The following STAT5B variants were observed in gnomAD, a reference collection of about 807,000 sequenced individuals.
STAT5B encodes transcription factor STAT5B.
STAT5B carries 21 observed loss-of-function variants against 107.8 expected under a neutral mutation model. That is an observed-to-expected ratio of 0.19 (90% CI 0.14 to 0.28). The LOEUF (loss-of-function observed/expected upper bound fraction) is 0.28. Ranked by LOEUF, STAT5B falls within the 10% of genes least tolerant of loss-of-function variation. The pLI, the probability that STAT5B is intolerant of heterozygous loss-of-function variation, is 1.00. For missense variants in STAT5B, 565 were observed against 1,008.2 expected (o/e 0.56, Z 5.95); for synonymous variants, 325 against 401.7 (o/e 0.81, Z 2.28).
At chr17:42,214,290 T>C (rs1022646679) in intron 12 of STAT5B, 2 of 985,202 alleles carry the variant, frequency 2.0e-6, no homozygotes, top group Admixed American at 6.2e-5. Context: ...GTGAGATCTG[T>C]GGACAGGCAG....
intron 15 of STAT5B, among the ~76,000 whole-genome samples, chr17:42,208,619 C>T (rs2080104422): frequency 6.6e-6 from 1 of 152,176 alleles, no homozygotes; most frequent in Non-Finnish European, 1.5e-5. Flanking sequence ...TTCTAGCCCT[C>T]AGTAGAAGAA....
intron 1 of STAT5B, among the ~76,000 whole-genome samples, chr17:42,239,892 G>A (rs1046670536): frequency 1.3e-5 from 2 of 152,222 alleles, no homozygotes; most frequent in African/African-American, 2.4e-5. Context: ...TTGGGACGCT[G>A]AGGCGGGTGG....
At chr17:42,269,451 C>T (rs2144425458) in intron 1 of STAT5B, 1 of 152,190 alleles carries the variant, frequency 6.6e-6, no homozygotes, top group East Asian at 1.9e-4. Flanking sequence ...GCTGGAAAAC[C>T]CCAGTGAAGG....
At chr17:42,238,673 G>GC (rs1202199762) in intron 1 of STAT5B, among the ~76,000 whole-genome samples, 2 of 151,226 alleles carry the variant, frequency 1.3e-5, no homozygotes, top group Non-Finnish European at 2.9e-5. Context: ...GGCTGGTCTT[G>GC]AACTTCTGAC....
intron 16 of STAT5B, 36 bp downstream of exon 16, chr17:42,207,519 ACAC>A: frequency 2.5e-6 from 4 of 1,592,334 alleles, no homozygotes; most frequent in South Asian, 1.1e-5. Context: ...ACACACACAC[ACAC>A]ACAACAAAAT....
At chr17:42,286,980 T>G in the STAT5B span, among the ~76,000 whole-genome samples, 1 of 152,100 alleles carries the variant, frequency 6.6e-6, no homozygotes, top group Admixed American at 6.5e-5. Context: ...CCCTGCCAAA[T>G]CCATTGCTCA....
At chr17:42,276,536 C>G (rs539529269), upstream of STAT5B, 443 of 151,482 alleles carry the variant, frequency 2.9e-3, 3 homozygotes, top group African/African-American at 0.01. This position sits in a 1 kb window ranked among gnomAD's most constrained non-coding sequence, Gnocchi z 4.8. Context: ...CCCTCGCGCC[C>G]CCTCCGCGAC....
At position 42,224,951 on chromosome 17, in the gene STAT5B, G is replaced by A. The variant is rs118179279; in HGVS notation, c.286-83C>T. ...CATGCCTCAGGATGGGGAGCCTCCT[G>A]AGGGACCTCCTGAATCACAGGAGGC... On this transcript the variant is annotated intron_variant, in intron 3 of 18. Transcript: ENST00000293328. The A allele has an allele frequency of 7.2e-3, 10,019 of 1,399,198 alleles. 47 individuals are homozygous for A. The highest frequency in any genetic ancestry group is 8.8e-3 in the Non-Finnish European group (8,800 of 995,622). 86.7% of individuals were successfully genotyped at this position (1,399,198 alleles called of 1,614,324 possible).
At chr17:42,287,840 T>C in the STAT5B span, 1 of 152,312 alleles carries the variant, frequency 6.6e-6, no homozygotes, top group East Asian at 1.9e-4. Flanking sequence ...CAAGATTCTT[T>C]CCAGTTCCTC....
chr17:42,218,958 C>T, intron 7 of STAT5B, 80 bp from the exon 8 acceptor site: 1 of 1,610,698 alleles, frequency 6.2e-7, no homozygotes, highest in Non-Finnish European at 8.5e-7. Flanking sequence ...AGCTCCCGTT[C>T]CCCCAGGAAG....
chr17:42,225,047 T>C (rs2080261722), intron 3 of STAT5B, among the ~76,000 whole-genome samples, 179 bp from the exon 4 acceptor site: 1 of 151,960 alleles, frequency 6.6e-6, no homozygotes, highest in Non-Finnish European at 1.5e-5. Flanking sequence ...AAAGGTAAGA[T>C]TGTTTTACTT....
chr17:42,228,735 C>T (rs901893569), intron 2 of STAT5B, among the ~76,000 whole-genome samples: 2 of 152,156 alleles, frequency 1.3e-5, no homozygotes, highest in African/African-American at 4.8e-5. Flanking sequence ...AGTTGGAGAT[C>T]AGCCTGGGCA....
chr17:42,218,759 G>A lies in STAT5B; in HGVS notation c.953C>T (p.Ala318Val). 1 of 1,612,862 alleles carries A rather than the reference G, an allele frequency of 6.2e-7. No homozygotes were observed. Residue 318 changes from alanine to valine, a missense_variant, in exon 8 of 19, where the codon GCC becomes GTC. Transcript: ENST00000293328. ...PVEEMLAEVN[A>V]TITDIISALV... ...GGCTGAGATAATGTCCGTGATGGTG[G>A]CGTTGACCTCGGCCAGCATCTCCTC...
intron 3 of STAT5B, 53 bp from the exon 4 acceptor site, chr17:42,224,921 C>G: frequency 1.9e-6 from 3 of 1,596,092 alleles, no homozygotes; most frequent in Non-Finnish European, 2.6e-6. Flanking sequence ...ACTATGGGCC[C>G]TAACCATGCC....
Position 42,218,338 on chromosome 17 carries a change from G to A in STAT5B, c.990-8C>T, listed in dbSNP as rs1157705302. The A allele has an allele frequency of 1.2e-6, 2 of 1,612,144 alleles. No individual in the cohort carries two copies. The highest frequency in any genetic ancestry group is 1.7e-6 in the Non-Finnish European group (2 of 1,178,562). On this transcript the variant is annotated splice_region_variant and splice_polypyrimidine_tract_variant and intron_variant, in intron 8 of 18. Transcript: ENST00000293328. ...TTCTCAATGATGAACGTGCTGCAGG[G>A]GACACAGGGACAGATGCATGATGAG...
At chr17:42,236,802 G>A (rs2080360237) in intron 1 of STAT5B, among the ~76,000 whole-genome samples, 1 of 152,130 alleles carries the variant, frequency 6.6e-6, no homozygotes, top group African/African-American at 2.4e-5. Flanking sequence ...ATGTCCACAT[G>A]CCTGATATGA....
chr17:42,216,754 A>C (rs2080175480), intron 11 of STAT5B, among the ~76,000 whole-genome samples: 1 of 151,062 alleles, frequency 6.6e-6, no homozygotes, highest in Admixed American at 6.6e-5. Context: ...GCAGTGGCAC[A>C]ATCTCGGTTC....
At chr17:42,211,869 C>T (rs939824870) in intron 13 of STAT5B, 115 bp downstream of exon 13, 3 of 1,484,802 alleles carry the variant, frequency 2.0e-6, no homozygotes, top group African/African-American at 1.4e-5. Flanking sequence ...GCTTCTATTA[C>T]TTTCGGTACA....
At chr17:42,284,507 T>C in the STAT5B span, among the ~76,000 whole-genome samples, 1 of 152,190 alleles carries the variant, frequency 6.6e-6, no homozygotes, top group Admixed American at 6.5e-5. Flanking sequence ...CCTCAGGTGA[T>C]GCACCCGCCT....
Sources: allele counts gnomAD v4.1 joint callset (sites outside exome capture counted in the v4.1 genomes callset), GRCh38; gene constraint gnomAD v4.1.1; non-coding constraint Gnocchi (gnomAD v3.1); transcripts MANE v1.5; gene names NCBI Gene and HGNC (gene_info 2026-07-23, HGNC 2026-07-21).